Variants in SERPINF1 observed in about 807,000 individuals in gnomAD.
SERPINF1 encodes serpin family F member 1.
SERPINF1 carries 29 observed loss-of-function variants against 37.3 expected under a neutral mutation model. That is an observed-to-expected ratio of 0.78 (90% CI 0.58 to 1.06). The LOEUF is 1.06. Among genes scored for constraint, SERPINF1 ranks in the 50% least tolerant of loss-of-function variants. SERPINF1 has a pLI of 0.00. For missense variants in SERPINF1, 553 were observed against 532.2 expected (o/e 1.04, Z -0.38); for synonymous variants, 281 against 227.9 (o/e 1.23, Z -2.10).
intron 4 of SERPINF1, 198 bp from the exon 5 acceptor site, chr17:1,771,674 G>T: frequency 1.6e-6 from 1 of 636,942 alleles, no homozygotes; most frequent in Admixed American, 2.3e-5. Flanking sequence ...GGGCAGTGGC[G>T]CGATGTGGGG....
Position 1,771,067 on chromosome 17 carries a change from C to G in SERPINF1, c.322C>G (p.Leu108Val). ...AACAGAATCCATCATTCACCGGGCT[C>G]TCTACTATGACTTGATCAGCAGCCC... ...QRTESIIHRA[L>V]YYDLISSPDI... is the part of the protein sequence containing the mutation. Residue 108 changes from leucine (L) to valine (V), a missense_variant, in exon 4 of 8, where the codon CTC (leucine) becomes GTC (valine). Transcript: ENST00000254722. 2.5e-6 allele frequency: 4 copies of G among 1,614,096 alleles called. No homozygotes were observed. The highest frequency in any genetic ancestry group is 3.4e-6 in the Non-Finnish European group (4 of 1,180,010).
intron 5 of SERPINF1, 113 bp from the exon 6 acceptor site, chr17:1,774,945 G>C: frequency 3.7e-6 from 5 of 1,353,256 alleles, no homozygotes; most frequent in East Asian, 2.3e-5. Flanking sequence ...GCCCCTGACA[G>C]CTAAGCTCCC....
intron 1 of SERPINF1, among the ~76,000 whole-genome samples, chr17:1,765,005 G>A (rs1181437453): frequency 6.6e-6 from 1 of 151,600 alleles, no homozygotes; most frequent in Non-Finnish European, 1.5e-5. Context: ...CACCACACCC[G>A]GCTAATTTTT....
Position 1,772,717 on chromosome 17 carries a change from C to T in SERPINF1, c.643+642C>T, listed in dbSNP as rs191051117. Among the ~76,000 whole-genome samples the T allele has an allele frequency of 3.8e-3, 571 of 151,718 alleles. 6 individuals are homozygous for T. Among genetic ancestry groups the T allele is most frequent in the African/African-American group, 0.013 (558 of 41,354 alleles). ...GGGACTACAGGCGCCCGCCACTGCG[C>T]CCTACTAATTTTTTGTATTTTTAGT... On this transcript the variant is annotated intron_variant, in intron 5 of 7. Transcript: ENST00000254722.
At chr17:1,768,160 G>A (rs921077686) in intron 2 of SERPINF1, among the ~76,000 whole-genome samples, 6 of 152,198 alleles carry the variant, frequency 3.9e-5, no homozygotes, top group South Asian at 2.1e-4. Flanking sequence ...GGCCGGGCGC[G>A]GTGGCTCACG....
intron 3 of SERPINF1, among the ~76,000 whole-genome samples, chr17:1,770,367 T>G (rs1462995903): frequency 6.6e-6 from 1 of 151,992 alleles, no homozygotes; most frequent in African/African-American, 2.4e-5. Context: ...GGGATGTAAC[T>G]GCAAACAAGC....
chr17:1,773,861 ACT>A (rs1297201084), intron 5 of SERPINF1, among the ~76,000 whole-genome samples: 1 of 151,750 alleles, frequency 6.6e-6, no homozygotes, highest in Non-Finnish European at 1.5e-5. Context: ...GGTTGGGCAA[ACT>A]CTCCCTTAAA....
intron 5 of SERPINF1, among the ~76,000 whole-genome samples, chr17:1,773,643 C>T (rs904800579): frequency 2.0e-5 from 3 of 152,248 alleles, no homozygotes; most frequent in East Asian, 1.9e-4. Context: ...TCACCTTTAA[C>T]GTGAGGATAA....
intron 2 of SERPINF1, among the ~76,000 whole-genome samples, chr17:1,768,923 A>G (rs1304288363): frequency 6.6e-6 from 1 of 151,962 alleles, no homozygotes. Flanking sequence ...CTCGTGCCTC[A>G]GCCTCCTGAG....
chr17:1,762,843 G>C (rs1907163960), intron 1 of SERPINF1: 1 of 152,534 alleles, frequency 6.6e-6, no homozygotes, highest in Middle Eastern at 3.4e-3. Flanking sequence ...AGGGCCGTCC[G>C]AGATGAACCC....
At chr17:1,770,398 C>G (rs534265175) in intron 3 of SERPINF1, 2 of 410,570 alleles carry the variant, frequency 4.9e-6, no homozygotes, top group South Asian at 2.7e-5. Flanking sequence ...TTGCCCTCAC[C>G]GAGGACACAG....
intron 5 of SERPINF1, among the ~76,000 whole-genome samples, chr17:1,772,612 G>C (rs1443214373): frequency 6.7e-6 from 1 of 149,666 alleles, no homozygotes; most frequent in Non-Finnish European, 1.5e-5. Context: ...AGGCTGGAGT[G>C]CAGTGGCGCG....
chr17:1,768,443 A>AAAG lies in SERPINF1; in HGVS notation c.85-1407_85-1406insGAA, dbSNP rs1434652998. On this transcript the variant is annotated intron_variant, in intron 2 of 7. Coordinates refer to ENST00000254722, the MANE Select transcript of SERPINF1 (RefSeq NM_002615.7). ...GAGACTCCGTCTCAAAAAAAAAAAA[A>AAAG]AAAGAAAGAAAGAAAAACTGAGTTC... 7.9e-5 allele frequency among the ~76,000 whole-genome samples: 12 copies of AAAG among 151,298 alleles called. 1 individual carries two copies. The highest frequency in any genetic ancestry group is 1.0e-4 in the Non-Finnish European group (7 of 67,834).
At chr17:1,765,471 G>C (rs1326609752) in intron 1 of SERPINF1, among the ~76,000 whole-genome samples, 3 of 151,766 alleles carry the variant, frequency 2.0e-5, no homozygotes, top group Non-Finnish European at 4.4e-5. Flanking sequence ...ACAGGGGCCT[G>C]CCACCACGCC....
chr17:1,775,814 A>G lies in SERPINF1; in HGVS notation c.786+614A>G, dbSNP rs541709610. ...CTCCCAAAACACAGGGATTCCAGGC[A>G]TGAGCCACCACGCTTGGCCAATCGT... is the stretch of plus-strand genomic sequence containing the variant. On this transcript the variant is annotated intron_variant, in intron 6 of 7. Transcript: ENST00000254722. Among the ~76,000 whole-genome samples, 186 of 152,336 alleles carry G rather than the reference A, an allele frequency of 1.2e-3. 1 individual carries two copies. Among genetic ancestry groups the G allele is most frequent in the African/African-American group, 3.5e-3 (146 of 41,580 alleles).
At chr17:1,767,511 G>A (rs1907459522) in intron 2 of SERPINF1, among the ~76,000 whole-genome samples, 1 of 152,194 alleles carries the variant, frequency 6.6e-6, no homozygotes, top group South Asian at 2.1e-4. Flanking sequence ...CCGGACATTT[G>A]TTCGGATACT....
At chr17:1,770,936 A>G in intron 3 of SERPINF1, 93 bp from the exon 4 acceptor site, 1 of 1,532,658 alleles carries the variant, frequency 6.5e-7, no homozygotes, top group Non-Finnish European at 9.0e-7. Flanking sequence ...TCAGCAGACA[A>G]AAAAGATGAG....
intron 5 of SERPINF1, among the ~76,000 whole-genome samples, chr17:1,774,743 T>A (rs976117855): frequency 6.6e-6 from 1 of 151,162 alleles, no homozygotes; most frequent in Non-Finnish European, 1.5e-5. Flanking sequence ...ATTCCAGGTG[T>A]GAGTTACCAT....
At chr17:1,777,065 C>G in intron 7 of SERPINF1, 122 bp from the exon 8 acceptor site, 2 of 1,501,562 alleles carry the variant, frequency 1.3e-6, no homozygotes, top group Non-Finnish European at 1.8e-6. Context: ...CAGCTCAGAC[C>G]TCTTCAGGCC....
Sources: allele counts gnomAD v4.1 joint callset (sites outside exome capture counted in the v4.1 genomes callset), GRCh38; gene constraint gnomAD v4.1.1; transcripts MANE v1.5; gene names NCBI Gene and HGNC (gene_info 2026-07-23, HGNC 2026-07-21).